RAB5C: variants seen among roughly 807,000 people sequenced by gnomAD.
RAB5C encodes ras-related protein Rab-5C.
A neutral mutation model predicts 25.2 loss-of-function variants in RAB5C; 4 were observed. That is an observed-to-expected ratio of 0.16 (90% CI 0.08 to 0.36). The LOEUF (loss-of-function observed/expected upper bound fraction) is 0.36, where lower values mean the gene tolerates loss of function less well. Ranked by LOEUF, RAB5C falls within the 10% of genes least tolerant of loss-of-function variation. RAB5C has a pLI of 1.00. For synonymous variants in RAB5C, 100 were observed against 106.4 expected (o/e 0.94, Z 0.37); for missense variants, 199 against 283.8 (o/e 0.70, Z 2.15).
At chr17:42,147,168 G>GAA (rs1433962310) in intron 1 of RAB5C, among the ~76,000 whole-genome samples, 3 of 145,696 alleles carry the variant, frequency 2.1e-5, no homozygotes, top group Admixed American at 6.8e-5. Flanking sequence ...GAGAGAGAGA[G>GAA]AGAAAGAAAG....
rs368988179 is a variant in RAB5C at position 42,128,214 on chromosome 17, G to A, written c.441+47C>T. 2.0e-4 allele frequency: 310 copies of A among 1,585,770 alleles called. 1 individual carries two copies. The highest frequency in any genetic ancestry group is 2.4e-4 in the Non-Finnish European group (275 of 1,164,314). On this transcript the variant is annotated intron_variant, in intron 4 of 5. Transcript: ENST00000346213. ...CCTGAGCATCCCAGGCGAGGCCGGG[G>A]GGAGCTGCTTACTCCACTCCTTCCC...
chr17:42,129,800 A>C (rs929937131), intron 2 of RAB5C, among the ~76,000 whole-genome samples: 1 of 152,238 alleles, frequency 6.6e-6, no homozygotes, highest in African/African-American at 2.4e-5. Flanking sequence ...TGTGTGTGTT[A>C]GCCACGGAGG....
chr17:42,147,825 G>A (rs2079646594), intron 1 of RAB5C, among the ~76,000 whole-genome samples: 1 of 152,238 alleles, frequency 6.6e-6, no homozygotes, highest in Non-Finnish European at 1.5e-5. Context: ...GGCCAGGCAT[G>A]GTGGCTTACA....
intron 1 of RAB5C, among the ~76,000 whole-genome samples, chr17:42,153,624 T>A (rs1261264475): frequency 6.6e-6 from 1 of 152,096 alleles, no homozygotes; most frequent in Non-Finnish European, 1.5e-5. Context: ...CGGCTTTCCG[T>A]CCCTTCCTCC....
intron 4 of RAB5C, 76 bp from the exon 5 acceptor site, chr17:42,126,924 C>A: frequency 1.1e-6 from 1 of 935,102 alleles, no homozygotes; most frequent in Admixed American, 1.9e-5. Flanking sequence ...AGGATACAAA[C>A]CTTCCTTATT....
At chr17:42,145,487 T>C (rs1001534696) in intron 1 of RAB5C, among the ~76,000 whole-genome samples, 2 of 152,184 alleles carry the variant, frequency 1.3e-5, no homozygotes, top group African/African-American at 4.8e-5. Flanking sequence ...TGGCACAGTC[T>C]ACTTATGAAA....
In RAB5C at chr17:42,130,332, C is replaced by T. The variant is rs372103987; in HGVS notation, c.166+5G>A. 4.1e-5 allele frequency: 66 copies of T among 1,593,548 alleles called. No homozygotes were observed. The highest frequency in any genetic ancestry group is 5.6e-5 in the Non-Finnish European group (65 of 1,164,614). On this transcript the variant is annotated splice_donor_5th_base_variant and intron_variant, in intron 2 of 5. Coordinates refer to ENST00000346213, the MANE Select transcript of RAB5C (RefSeq NM_004583.4). ...CCCCTCCCCGACTCCCTCATGCCCA[C>T]TCACCTCCAATTGTGCTCTCCTGGT...
At chr17:42,144,055 G>A (rs2079617668) in intron 1 of RAB5C, among the ~76,000 whole-genome samples, 1 of 152,042 alleles carries the variant, frequency 6.6e-6, no homozygotes, top group Non-Finnish European at 1.5e-5. Flanking sequence ...CCAAGTGCTG[G>A]GAATACAAAC....
chr17:42,129,541 G>A (rs117494986), intron 2 of RAB5C, among the ~76,000 whole-genome samples: 1 of 152,296 alleles, frequency 6.6e-6, no homozygotes, highest in East Asian at 1.9e-4. Context: ...TTTGCCCCTG[G>A]ACCCAGCAGA....
chr17:42,135,088 C>T (rs78862468), intron 1 of RAB5C, among the ~76,000 whole-genome samples: 5,650 of 150,754 alleles, frequency 0.037, 171 homozygotes, highest in Non-Finnish European at 0.052. Flanking sequence ...TCAAGCGATT[C>T]TAATGCCTCA....
At chr17:42,150,585 C>T (rs539952659) in intron 1 of RAB5C, among the ~76,000 whole-genome samples, 1 of 140,960 alleles carries the variant, frequency 7.1e-6, no homozygotes, top group African/African-American at 2.7e-5. Flanking sequence ...CAGCCAGACA[C>T]GGTGGCTCAT....
chr17:42,140,038 C>G (rs1002568406), intron 1 of RAB5C, among the ~76,000 whole-genome samples: 1 of 152,144 alleles, frequency 6.6e-6, no homozygotes, highest in Admixed American at 6.5e-5. Context: ...CCGTCTTCCC[C>G]CCGTCTCAAA....
intron 1 of RAB5C, among the ~76,000 whole-genome samples, chr17:42,146,299 G>C (rs868345828): frequency 1.4e-4 from 21 of 152,324 alleles, no homozygotes; most frequent in African/African-American, 4.6e-4. Context: ...GGACTTTAAT[G>C]TAAAATACGT....
chr17:42,129,096 AG>A (rs1228701717), intron 2 of RAB5C, among the ~76,000 whole-genome samples: 3 of 152,104 alleles, frequency 2.0e-5, no homozygotes, highest in Admixed American at 1.3e-4. Flanking sequence ...GCAACACAGC[AG>A]GGGCAAGAGA....
rs1568018554 is a variant in RAB5C at position 42,128,805 on chromosome 17, AAG to A, written c.167-7_167-6del. On this transcript the variant is annotated splice_polypyrimidine_tract_variant and splice_region_variant and intron_variant, in intron 2 of 5. Transcript: ENST00000346213. ...CAGTCTGTGTGAGGAAGGCCGCTGT[AAG>A]AGAGAAGGAGCGTCCATGGGCAAGA... 1 of 1,490,496 alleles carries A rather than the reference AAG, an allele frequency of 6.7e-7. No individual in the cohort carries two copies. Among genetic ancestry groups the A allele is most frequent in the Non-Finnish European group, 8.9e-7 (1 of 1,120,092 alleles). The allele number at this position is 1,490,496 out of a possible 1,614,324, so 92.3% of individuals were successfully genotyped here.
At chr17:42,142,750 G>C (rs955291463) in intron 1 of RAB5C, among the ~76,000 whole-genome samples, 2 of 152,204 alleles carry the variant, frequency 1.3e-5, no homozygotes, top group African/African-American at 4.8e-5. Context: ...AGAGATGACA[G>C]TACAATGGAA....
At chr17:42,126,087 C>A (rs1171826774) in intron 5 of RAB5C, among the ~76,000 whole-genome samples, 189 bp from the exon 6 acceptor site, 11 of 152,168 alleles carry the variant, frequency 7.2e-5, no homozygotes, top group Non-Finnish European at 4.4e-5. Context: ...TTGCCCAAGA[C>A]TACAGAGCTA....
chr17:42,134,869 G>C (rs2054519868), intron 1 of RAB5C, among the ~76,000 whole-genome samples: 1 of 152,240 alleles, frequency 6.6e-6, no homozygotes, highest in South Asian at 2.1e-4. Flanking sequence ...TCTGGGCCAA[G>C]GATGGAAGAG....
At chr17:42,152,865 G>A (rs559920905) in intron 1 of RAB5C, among the ~76,000 whole-genome samples, 4 of 152,180 alleles carry the variant, frequency 2.6e-5, no homozygotes, top group East Asian at 3.9e-4. Flanking sequence ...AAGGCTGGTC[G>A]GCCTCATCCC....
Sources: allele counts gnomAD v4.1 joint callset (sites outside exome capture counted in the v4.1 genomes callset), GRCh38; gene constraint gnomAD v4.1.1; transcripts MANE v1.5; gene names NCBI Gene and HGNC (gene_info 2026-07-23, HGNC 2026-07-21).